The following LNPEP variants were observed in gnomAD, a reference collection of about 807,000 sequenced individuals.
The protein encoded by LNPEP is leucyl-cystinyl aminopeptidase.
A neutral mutation model predicts 120.6 loss-of-function variants in LNPEP; 64 were observed. The observed-to-expected ratio is 0.53, with a 90% CI of 0.43 to 0.65. The LOEUF (loss-of-function observed/expected upper bound fraction) is 0.65, where lower values mean the gene tolerates loss of function less well. Among genes scored for constraint, LNPEP ranks in the 30% least tolerant of loss-of-function variants. The pLI is 0.00. For missense variants in LNPEP, 1,057 were observed against 1,200.0 expected (o/e 0.88, Z 1.76); for synonymous variants, 435 against 425.4 (o/e 1.02, Z -0.28).
intron 13 of LNPEP, among the ~76,000 whole-genome samples, chr5:97,020,445 G>A (rs1023330093): frequency 2.6e-5 from 4 of 152,120 alleles, no homozygotes; most frequent in African/African-American, 9.7e-5. Flanking sequence ...TCCTTCAGAG[G>A]GGGTATCTGT....
At chr5:96,955,334 G>T (rs1005386320) in intron 1 of LNPEP, among the ~76,000 whole-genome samples, 1 of 152,084 alleles carries the variant, frequency 6.6e-6, no homozygotes, top group Admixed American at 6.5e-5. Flanking sequence ...GGTGAATAGG[G>T]CTGGACGCGG....
chr5:96,979,213 A>G lies in LNPEP; in HGVS notation c.95A>G (p.Lys32Arg), dbSNP rs1790066867. The G allele has an allele frequency of 6.2e-7, 1 of 1,613,840 alleles. No homozygotes were observed. Among genetic ancestry groups the G allele is most frequent in the African/African-American group, 1.3e-5 (1 of 74,916 alleles). ...EEEPDVVDLA[K>R]EPCLHPLEPD... is the part of the protein sequence containing the mutation. The stretch of plus-strand genomic sequence containing the variant: ...GAACCAGATGTGGTGGATTTAGCCA[A>G]AGAGCCTTGTTTACATCCTCTAGAG... The change falls in exon 2 of 18, where the codon AAA (lysine) becomes AGA (arginine). Residue 32 changes from lysine to arginine, a missense_variant. Transcript: ENST00000231368.
intron 9 of LNPEP, among the ~76,000 whole-genome samples, chr5:97,004,945 T>G (rs1790743525): frequency 6.6e-6 from 1 of 152,302 alleles, no homozygotes; most frequent in Admixed American, 6.5e-5. Flanking sequence ...CATCATGGTG[T>G]TTTTCCATCC....
rs1165347215 is a variant in LNPEP at position 97,027,786 on chromosome 5, T to C, written c.2918T>C (p.Leu973Pro). 1 of 1,608,884 alleles carries C rather than the reference T, an allele frequency of 6.2e-7. No homozygotes were observed. Among genetic ancestry groups the C allele is most frequent in the Non-Finnish European group, 8.5e-7 (1 of 1,175,198 alleles). ...IQNIVAGSTY[L>P]FSTKTHLSEV... ...AATATTGTTGCTGGATCAACTTACCTGTTTTCAACAAAGACACATTTATCT... is the reference window on the plus strand; with the variant it reads ...AATATTGTTGCTGGATCAACTTACCCGTTTTCAACAAAGACACATTTATCT... Residue 973 changes from leucine to proline, a missense_variant, in exon 17 of 18, where the codon CTG (leucine) becomes CCG (proline). Transcript: ENST00000231368.
At position 97,008,334 on chromosome 5, in the gene LNPEP, C is replaced by CTTTTTTT. The variant is rs1561450377; in HGVS notation, c.2035+1821_2035+1822insTTTTTTT. On this transcript the variant is annotated intron_variant, in intron 11 of 17. Coordinates refer to ENST00000231368, the MANE Select transcript of LNPEP (RefSeq NM_005575.3). ...TGGTTGATTTTTTTGTTTGTTTTTT[C>CTTTTTTT]TTGTTTTTTTTTTTTTTTTTTTTTT... Among the ~76,000 whole-genome samples the CTTTTTTT allele has an allele frequency of 1.0e-4, 5 of 48,652 alleles. 1 individual carries two copies. The highest frequency in any genetic ancestry group is 4.1e-4 in the African/African-American group (5 of 12,134). 31.9% of individuals were successfully genotyped at this position (48,652 alleles called of 152,430 possible).
At chr5:97,023,151 A>C (rs931219890) in intron 14 of LNPEP, among the ~76,000 whole-genome samples, 1 of 152,140 alleles carries the variant, frequency 6.6e-6, no homozygotes, top group Non-Finnish European at 1.5e-5. Context: ...TCATATAAGT[A>C]AAGTCATATA....
intron 8 of LNPEP, 118 bp downstream of exon 8, chr5:96,998,263 G>A (rs1045813265): frequency 1.1e-5 from 9 of 805,178 alleles, no homozygotes; most frequent in African/African-American, 1.8e-5. Context: ...AGGTATTAAT[G>A]GTAAACTATA....
At chr5:97,015,957 A>G (rs1189678590) in intron 13 of LNPEP, among the ~76,000 whole-genome samples, 1 of 152,062 alleles carries the variant, frequency 6.6e-6, no homozygotes, top group Non-Finnish European at 1.5e-5. Flanking sequence ...CAGGTTTGTT[A>G]CATATGTACA....
rs752220584 is a variant in LNPEP at position 97,006,090 on chromosome 5, A to C, written c.1803A>C (p.Leu601=). The C allele has an allele frequency of 6.7e-7, 1 of 1,494,838 alleles. No homozygotes were observed. Among genetic ancestry groups the C allele is most frequent in the Non-Finnish European group, 9.0e-7 (1 of 1,112,674 alleles). 92.6% of individuals were successfully genotyped at this position (1,494,838 alleles called of 1,614,324 possible). A position where few individuals can be genotyped will look rare whatever the true frequency, so the allele number is the denominator to read the frequency against. ...TTTTGTAGGTCACAAACCAAACACT[A>C]GATGTAAAGAGAATGATGAAAACCT... The part of the protein sequence containing the change: ...DSFNEVTNQT[L]DVKRMMKTWT... Residue 601 remains leucine (L), a synonymous_variant, in exon 10 of 18, where the codon CTA becomes CTC. Transcript: ENST00000231368.
Position 97,013,652 on chromosome 5 carries a change from C to T in LNPEP, c.2040C>T (p.Val680=). 1 of 1,515,772 alleles carries T rather than the reference C, an allele frequency of 6.6e-7. No individual in the cohort carries two copies. The highest frequency in any genetic ancestry group is 8.9e-7 in the Non-Finnish European group (1 of 1,129,494). The allele number at this position is 1,515,772 out of a possible 1,614,324, so 93.9% of individuals were successfully genotyped here. A position where few individuals can be genotyped will look rare whatever the true frequency, so the allele number is the denominator to read the frequency against. The change falls in exon 12 of 18, where the codon GTC becomes GTT. Residue 680 remains valine (V), a synonymous_variant. Transcript: ENST00000231368. The part of the protein sequence containing the change: ...SVSLLDKKSG[V]INLTEEVLWV... Reference sequence around the variant, plus strand: ...CATTTTTTTGGTTTCCATTAGGTGTCATCAATCTTACAGAAGAAGTGCTGT... The same window carrying T: ...CATTTTTTTGGTTTCCATTAGGTGTTATCAATCTTACAGAAGAAGTGCTGT...
intron 1 of LNPEP, among the ~76,000 whole-genome samples, chr5:96,973,343 A>G (rs1789914516): frequency 6.6e-6 from 1 of 152,112 alleles, no homozygotes; most frequent in African/African-American, 2.4e-5. Flanking sequence ...AACTTAAAAA[A>G]AATAGAATTT....
At position 97,014,987 on chromosome 5, in the gene LNPEP, T is replaced by C; in HGVS notation, c.2268T>C (p.Leu756=). 1 of 1,590,162 alleles carries C rather than the reference T, an allele frequency of 6.3e-7. No homozygotes were observed. Among genetic ancestry groups the C allele is most frequent in the Non-Finnish European group, 8.6e-7 (1 of 1,168,658 alleles). ...LKRAFDLINY[L]GNENHTAPIT... is the part of the protein sequence containing the mutation. ...GGGCCTTTGATTTGATTAATTATCTTGGAAATGAGAACCATACTGCACCCA... is the reference window on the plus strand; with the variant it reads ...GGGCCTTTGATTTGATTAATTATCTCGGAAATGAGAACCATACTGCACCCA... Residue 756 remains leucine (L), a synonymous_variant, in exon 13 of 18, where the codon CTT becomes CTC. Transcript: ENST00000231368.
At chr5:97,019,267 T>G (rs1791133195) in intron 13 of LNPEP, among the ~76,000 whole-genome samples, 1 of 152,180 alleles carries the variant, frequency 6.6e-6, no homozygotes, top group Non-Finnish European at 1.5e-5. Flanking sequence ...AGAGTTGCAT[T>G]CTATTGTTGA....
chr5:97,019,443 T>G (rs1791138304), intron 13 of LNPEP, among the ~76,000 whole-genome samples: 2 of 152,172 alleles, frequency 1.3e-5, no homozygotes, highest in Non-Finnish European at 2.9e-5. Flanking sequence ...TAACAGGATT[T>G]TTCTAATAAT....
At chr5:96,954,709 T>TAC (rs1267825222) in intron 1 of LNPEP, among the ~76,000 whole-genome samples, 1 of 116,146 alleles carries the variant, frequency 8.6e-6, no homozygotes, top group Non-Finnish European at 1.8e-5. Flanking sequence ...TATACATATA[T>TAC]ACACATATAT....
rs1184176838 is a variant in LNPEP, at chr5:97,029,308, C to T, written c.*775C>T. ...TAGCTTTAATTATAATTATTTTATT[C>T]ATAAATGGTGATAGTCCCCAGATCT... is the stretch of plus-strand genomic sequence containing the variant. On this transcript the variant is annotated 3_prime_UTR_variant, in exon 18 of 18. Coordinates refer to ENST00000231368, the MANE Select transcript of LNPEP (RefSeq NM_005575.3). The T allele has an allele frequency of 1.3e-5, 2 of 152,212 alleles. No individual in the cohort carries two copies. Among genetic ancestry groups the T allele is most frequent in the Admixed American group, 6.5e-5 (1 of 15,276 alleles). 9.4% of individuals were successfully genotyped at this position (152,212 alleles called of 1,614,324 possible).
chr5:96,944,484 A>G (rs1374432634), intron 1 of LNPEP, among the ~76,000 whole-genome samples: 1 of 150,796 alleles, frequency 6.6e-6, no homozygotes, highest in African/African-American at 2.4e-5. Flanking sequence ...TGGAAAGGGG[A>G]TAACTCAAAG....
chr5:96,949,435 G>A (rs937515483), intron 1 of LNPEP, among the ~76,000 whole-genome samples: 6 of 152,192 alleles, frequency 3.9e-5, no homozygotes, highest in Admixed American at 3.9e-4. Context: ...ATGATCTGAG[G>A]TGTTACAGTT....
At chr5:97,016,694 G>A (rs1791076062) in intron 13 of LNPEP, among the ~76,000 whole-genome samples, 1 of 152,086 alleles carries the variant, frequency 6.6e-6, no homozygotes, top group African/African-American at 2.4e-5. Flanking sequence ...CCCACATCTA[G>A]TTGTTCTCCT....
Sources: gnomAD v4.1 joint callset for allele counts (sites outside exome capture counted in the v4.1 genomes callset) on GRCh38, gnomAD v4.1.1 for gene constraint, MANE v1.5 for transcripts, NCBI Gene and HGNC (gene_info 2026-07-23, HGNC 2026-07-21) for gene names.